The following DIAPH2 variants were observed in gnomAD, a reference collection of about 807,000 sequenced individuals.
DIAPH2 encodes the protein diaphanous related formin 2, also known as protein diaphanous homolog 2.
Under a neutral mutation model 92.7 loss-of-function variants are expected in DIAPH2, and 35 were observed. That is an observed-to-expected ratio of 0.38 (90% CI 0.29 to 0.50). DIAPH2 has a LOEUF of 0.50. Among genes scored for constraint, DIAPH2 ranks in the 20% least tolerant of loss-of-function variants. DIAPH2 has a pLI of 0.94. For missense variants in DIAPH2, 701 were observed against 819.5 expected (o/e 0.86, Z 1.77); for synonymous variants, 301 against 280.4 (o/e 1.07, Z -0.73).
intron 1 of DIAPH2, among the ~76,000 whole-genome samples, chrX:96,715,647 C>T (rs779270851): frequency 1.8e-5 from 2 of 111,247 alleles, no homozygotes; most frequent in Non-Finnish European, 3.8e-5. Flanking sequence ...TGCTGCTTTG[C>T]CTCATCTTTA....
At chrX:96,963,885 T>C (rs750398066) in intron 16 of DIAPH2, among the ~76,000 whole-genome samples, 1 of 110,702 alleles carries the variant, frequency 9.0e-6, no homozygotes, top group Admixed American at 9.6e-5. Context: ...CTTGTTTTTC[T>C]TAGTGAATGA....
chrX:96,747,208 A>G (rs1044557388), intron 3 of DIAPH2, among the ~76,000 whole-genome samples: 2 of 111,773 alleles, frequency 1.8e-5, no homozygotes, highest in Non-Finnish European at 3.8e-5. Context: ...GTAAACCCAT[A>G]GAAATTTCTT....
chrX:97,451,050 T>C (rs1375212522), intron 26 of DIAPH2, among the ~76,000 whole-genome samples: 3 of 111,390 alleles, frequency 2.7e-5, no homozygotes, highest in African/African-American at 9.8e-5. Flanking sequence ...TTCCACACTT[T>C]AAAAAGTTAA....
intron 23 of DIAPH2, among the ~76,000 whole-genome samples, chrX:97,337,531 C>T (rs949459963): frequency 6.3e-5 from 7 of 111,440 alleles, no homozygotes; most frequent in African/African-American, 2.3e-4. Context: ...CGCCTTCCAC[C>T]ATGATTGTAA....
At chrX:96,919,400 C>T (rs909785805) in intron 9 of DIAPH2, among the ~76,000 whole-genome samples, 6 of 111,684 alleles carry the variant, frequency 5.4e-5, no homozygotes, top group Admixed American at 4.7e-4. Context: ...GTGTCACAGT[C>T]GGAATTTGAT....
chrX:97,363,304 A>G (rs1349807283), intron 24 of DIAPH2, among the ~76,000 whole-genome samples: 1 of 111,693 alleles, frequency 9.0e-6, no homozygotes, highest in Admixed American at 9.6e-5. Flanking sequence ...TTAATTAAGC[A>G]AGTTAAAACC....
chrX:97,526,679 T>C (rs1380427439), intron 26 of DIAPH2, among the ~76,000 whole-genome samples: 1 of 111,563 alleles, frequency 9.0e-6, no homozygotes, highest in Non-Finnish European at 1.9e-5. Flanking sequence ...CTCAAGCTTC[T>C]CATTGATTCC....
chrX:96,755,748 G>A lies in DIAPH2; in HGVS notation c.343-2406G>A, dbSNP rs1045158253. On this transcript the variant is annotated intron_variant, in intron 3 of 26. Transcript: ENST00000324765. ...AAAAAATAGAATGCTCAGAATTTCT[G>A]TAAGAGTAAAGGGATAAAAATACTG... is the stretch of plus-strand genomic sequence containing the variant. Among the ~76,000 whole-genome samples, 5 of 110,597 alleles carry A rather than the reference G, an allele frequency of 4.5e-5. No individual in the cohort carries two copies. In the East Asian group the frequency reaches 1.1e-3, roughly 25 times the overall value.
intron 4 of DIAPH2, among the ~76,000 whole-genome samples, chrX:96,806,829 C>T: frequency 9.4e-6 from 1 of 106,368 alleles, no homozygotes. Context: ...CAAGCTCCGC[C>T]TCCCGGGTTC....
At chrX:97,025,447 T>C (rs1355034732) in intron 17 of DIAPH2, among the ~76,000 whole-genome samples, 4 of 108,403 alleles carry the variant, frequency 3.7e-5, no homozygotes, top group Admixed American at 2.0e-4. Context: ...GTCAGGAAAT[T>C]GAGACCATCC....
chrX:97,555,514 T>G, intron 26 of DIAPH2: 2 of 597,766 alleles, frequency 3.3e-6, no homozygotes, highest in East Asian at 3.3e-4. Flanking sequence ...ATAATGAACA[T>G]GATGGACTGT....
chrX:97,519,170 G>A (rs1260045449), intron 26 of DIAPH2, among the ~76,000 whole-genome samples: 6 of 111,545 alleles, frequency 5.4e-5, no homozygotes, highest in Non-Finnish European at 1.1e-4. Flanking sequence ...AGGTTGCTTC[G>A]TTTTTGCTCA....
At chrX:97,408,382 T>A (rs1299591879) in intron 25 of DIAPH2, among the ~76,000 whole-genome samples, 1 of 109,395 alleles carries the variant, frequency 9.1e-6, no homozygotes, top group African/African-American at 3.3e-5. Context: ...CTTCTTTTTT[T>A]AATTTAAAGG....
At chrX:97,076,366 C>T (rs997657524) in intron 19 of DIAPH2, among the ~76,000 whole-genome samples, 88 of 110,800 alleles carry the variant, frequency 7.9e-4, no homozygotes, top group African/African-American at 2.8e-3. Context: ...CCCGTCTCTA[C>T]TCAAAATACA....
chrX:96,742,954 G>T (rs1163005763), intron 3 of DIAPH2, among the ~76,000 whole-genome samples: 1 of 112,481 alleles, frequency 8.9e-6, no homozygotes, highest in Non-Finnish European at 1.9e-5. Context: ...ATGAGCCACT[G>T]TGCCCAGCCG....
At chrX:97,475,235 C>T (rs1348622513) in intron 26 of DIAPH2, among the ~76,000 whole-genome samples, 2 of 111,370 alleles carry the variant, frequency 1.8e-5, no homozygotes, top group African/African-American at 6.5e-5. Context: ...TTACAATTGC[C>T]CTATAGAAAA....
At chrX:97,298,234 G>GTTT (rs753905645) in intron 23 of DIAPH2, among the ~76,000 whole-genome samples, 26 of 88,532 alleles carry the variant, frequency 2.9e-4, no homozygotes, top group African/African-American at 8.0e-4. Context: ...AGTTTTTCAG[G>GTTT]TTTTTTTTTT....
intron 26 of DIAPH2, among the ~76,000 whole-genome samples, chrX:97,579,384 A>C (rs1417888468): frequency 1.8e-5 from 2 of 110,464 alleles, no homozygotes; most frequent in East Asian, 2.8e-4. Flanking sequence ...TCAGCTTTCT[A>C]CATATGGCTA....
At chrX:97,400,448 A>G (rs1212371616) in intron 25 of DIAPH2, among the ~76,000 whole-genome samples, 1 of 111,775 alleles carries the variant, frequency 8.9e-6, no homozygotes, top group Non-Finnish European at 1.9e-5. Flanking sequence ...GTACTATGTG[A>G]TGTTTTGACA....
Sources: gnomAD v4.1 joint callset for allele counts (sites outside exome capture counted in the v4.1 genomes callset) on GRCh38, gnomAD v4.1.1 for gene constraint, MANE v1.5 for transcripts, NCBI Gene and HGNC (gene_info 2026-07-23, HGNC 2026-07-21) for gene names.